The following SYNE2 variants were observed in gnomAD, a reference collection of about 807,000 sequenced individuals.
SYNE2 encodes the protein spectrin repeat containing nuclear envelope protein 2.
Under a neutral mutation model 856.3 loss-of-function variants are expected in SYNE2, and 431 were observed. That is an observed-to-expected ratio of 0.50 (90% confidence interval 0.47 to 0.55). The LOEUF (loss-of-function observed/expected upper bound fraction) is 0.55, where lower values mean the gene tolerates loss of function less well. Ranked by LOEUF, SYNE2 falls within the 20% of genes least tolerant of loss-of-function variation. SYNE2 has a pLI of 0.00. For missense variants in SYNE2, 8,129 were observed against 8,023.2 expected (o/e 1.01, Z -0.50); for synonymous variants, 2,923 against 2,872.3 (o/e 1.02, Z -0.56).
rs747426260 is a variant in SYNE2, at chr14:64,221,664, C to T, written c.20150C>T (p.Ala6717Val). The T allele has an allele frequency of 7.4e-6, 12 of 1,614,168 alleles. No individual in the cohort carries two copies. In the Admixed American group the frequency reaches 1.7e-4, roughly 22 times the overall value. Residue 6717 changes from alanine (A) to valine (V), a missense_variant, in exon 112 of 116, where the codon GCA (alanine) becomes GTA (valine). By Grantham distance (64) the Ala-to-Val change is moderately conservative. Transcript: ENST00000555002. ...AAGGCTCATGTCACCGATCCAAAGG[C>T]AGACCCCCGGGCTCTCCTAGAGTGT... Reference protein sequence around the residue: ...RQKAHVTDPKADPRALLECRR... With the variant: ...RQKAHVTDPKVDPRALLECRR...
intron 1 of SYNE2, among the ~76,000 whole-genome samples, chr14:63,892,316 C>T (rs1335964535): frequency 6.6e-6 from 1 of 152,160 alleles, no homozygotes; most frequent in East Asian, 1.9e-4. Context: ...ATTTTGACCA[C>T]AGCTCAGAAG....
intron 95 of SYNE2, among the ~76,000 whole-genome samples, chr14:64,175,394 A>G (rs564843901): frequency 3.6e-4 from 55 of 152,362 alleles, no homozygotes; most frequent in Admixed American, 3.6e-3. Context: ...ATATTCAATG[A>G]AAGTTCAATA....
chr14:63,828,929 G>A (rs1401614640), intron 1 of SYNE2, among the ~76,000 whole-genome samples: 1 of 151,926 alleles, frequency 6.6e-6, no homozygotes, highest in East Asian at 1.9e-4. Context: ...AAAAAAAGAT[G>A]TTCAATATCA....
intron 99 of SYNE2, chr14:64,190,703 A>C: frequency 2.9e-6 from 2 of 684,020 alleles, no homozygotes; most frequent in South Asian, 3.1e-5. Context: ...TCTACTCTTA[A>C]AGTGTGTGGG....
chr14:64,214,477 G>T lies in SYNE2; in HGVS notation c.19333+7G>T, dbSNP rs779312321. On this transcript the variant is annotated splice_region_variant and intron_variant, in intron 106 of 115. Transcript: ENST00000555002. ...TACTACAGCGCACTGTCAGGTAACA[G>T]CTGGGTTCCCAGCACCCTGGAAAGT... The T allele has an allele frequency of 6.2e-7, 1 of 1,608,308 alleles. No homozygotes were observed. Among genetic ancestry groups the T allele is most frequent in the African/African-American group, 1.3e-5 (1 of 74,830 alleles).
chr14:64,136,434 G>A (rs146883551), intron 78 of SYNE2, among the ~76,000 whole-genome samples: 2 of 151,714 alleles, frequency 1.3e-5, no homozygotes, highest in African/African-American at 4.8e-5. Context: ...GGGGGGGAGG[G>A]GATTACAAAT....
At position 64,100,530 on chromosome 14, in the gene SYNE2, AAATATATATATATATATAT is replaced by A. The variant is rs1180507101; in HGVS notation, c.12382-1400_12382-1382del. Among the ~76,000 whole-genome samples, 11 of 63,858 alleles carry A rather than the reference AAATATATATATATATATAT, an allele frequency of 1.7e-4. 2 individuals carry two copies. The highest frequency in any genetic ancestry group is 1.3e-3 in the South Asian group (2 of 1,554). 41.9% of individuals were successfully genotyped at this position (63,858 alleles called of 152,430 possible). ...AAACTGTCTCAAAAAAAAAAAAAAA[AAATATATATATATATATAT>A]ATATATATATATATATATATATTTA... On this transcript the variant is annotated intron_variant, in intron 63 of 115. Transcript: ENST00000555002.
In SYNE2 at chr14:63,810,232, AAAAG is replaced by A. The variant is rs200715420; in HGVS notation, c.-304-42267_-304-42264del. Among the ~76,000 whole-genome samples, 562 of 152,140 alleles carry A rather than the reference AAAAG, an allele frequency of 3.7e-3. 7 individuals are homozygous for A. The highest frequency in any genetic ancestry group is 0.022 in the East Asian group (116 of 5,184). ...AGTAAGACTCTTTCTCAAAAAAAAA[AAAAG>A]AGAGAGAGAGAGAAAGAAAAAAGAA... On this transcript the variant is annotated intron_variant, in intron 1 of 23. Coordinates refer to the SYNE2 transcript ENST00000674003.
chr14:63,949,745 C>G, intron 6 of SYNE2, 80 bp from the exon 7 acceptor site: 1 of 1,436,808 alleles, frequency 7.0e-7, no homozygotes, highest in Middle Eastern at 1.8e-4. Flanking sequence ...CTTTTTAGGT[C>G]TCTATTTTGA....
chr14:63,815,498 T>C (rs769592598), intron 1 of SYNE2, among the ~76,000 whole-genome samples: 1 of 151,984 alleles, frequency 6.6e-6, no homozygotes, highest in African/African-American at 2.4e-5. Flanking sequence ...GCTGATTAGA[T>C]GGTGCCCACC....
chr14:63,780,184 C>T (rs1887256674), intron 1 of SYNE2, among the ~76,000 whole-genome samples: 1 of 152,130 alleles, frequency 6.6e-6, no homozygotes, highest in Non-Finnish European at 1.5e-5. Context: ...GTAAGACTTC[C>T]ACCCTGAACA....
rs2098668425 is a variant in SYNE2, at chr14:64,216,740, G to C, written c.19542+353G>C. ...AAGCCTTTGTCTTTTTGTTGTTGTT[G>C]TGGAGACGGAGTCTCATTCTGTCAC... On this transcript the variant is annotated intron_variant, in intron 108 of 115. Transcript: ENST00000555002. 2.0e-5 allele frequency among the ~76,000 whole-genome samples: 3 copies of C among 152,260 alleles called. No homozygotes were observed. The South Asian group carries it at 6.2e-4, about 32-fold the overall frequency.
At chr14:63,960,419 G>A (rs1299661835) in intron 8 of SYNE2, among the ~76,000 whole-genome samples, 1 of 152,068 alleles carries the variant, frequency 6.6e-6, no homozygotes, top group Non-Finnish European at 1.5e-5. Flanking sequence ...CTCCTTGAGG[G>A]GCAGATAATG....
At chr14:63,958,280 A>G (rs985319813) in intron 8 of SYNE2, among the ~76,000 whole-genome samples, 5 of 152,072 alleles carry the variant, frequency 3.3e-5, no homozygotes, top group African/African-American at 9.7e-5. Flanking sequence ...TTCTCTTTCA[A>G]TATCCCAGCC....
intron 1 of SYNE2, among the ~76,000 whole-genome samples, chr14:63,906,900 A>C (rs1439194129): frequency 6.6e-6 from 1 of 152,208 alleles, no homozygotes; most frequent in Non-Finnish European, 1.5e-5. Context: ...TTCCTCATAG[A>C]TGGCCATCCT....
intron 66 of SYNE2, among the ~76,000 whole-genome samples, chr14:64,115,377 G>A: frequency 6.6e-6 from 1 of 152,146 alleles, no homozygotes; most frequent in Non-Finnish European, 1.5e-5. Context: ...ACCACCCAGA[G>A]GGGGAGGAAG....
At chr14:64,138,104 A>G (rs898672268) in intron 79 of SYNE2, 121 bp downstream of exon 79, 2 of 1,144,378 alleles carry the variant, frequency 1.7e-6, no homozygotes, top group Admixed American at 2.0e-5. Flanking sequence ...TGGGCAGTCT[A>G]AAGCAGTTGG....
At chr14:64,218,126 A>T (rs559773825) in intron 108 of SYNE2, 74 of 416,794 alleles carry the variant, frequency 1.8e-4, no homozygotes, top group African/African-American at 1.3e-3. Flanking sequence ...GTTTGGAAGC[A>T]TGCCAATTGA....
chr14:64,045,865 G>C (rs1346188251), intron 45 of SYNE2, among the ~76,000 whole-genome samples: 1 of 152,166 alleles, frequency 6.6e-6, no homozygotes, highest in Non-Finnish European at 1.5e-5. Flanking sequence ...TACAGTTACA[G>C]AGAAGTTGCA....
Sources: gnomAD v4.1 joint callset for allele counts (sites outside exome capture counted in the v4.1 genomes callset) on GRCh38, gnomAD v4.1.1 for gene constraint, MANE v1.5 for transcripts, NCBI Gene and HGNC (gene_info 2026-07-23, HGNC 2026-07-21) for gene names.